The following CLSTN2 variants were observed in gnomAD, a reference collection of about 807,000 sequenced individuals.
CLSTN2 encodes calsyntenin-2.
Under a neutral mutation model 101.2 loss-of-function variants are expected in CLSTN2, and 48 were observed. The observed-to-expected ratio is 0.47, with a 90% CI of 0.38 to 0.60. CLSTN2 has a LOEUF of 0.60. Among genes scored for constraint, CLSTN2 ranks in the 20% least tolerant of loss-of-function variants. CLSTN2 has a pLI of 0.00. For missense variants in CLSTN2, 1,160 were observed against 1,238.2 expected, an observed-to-expected ratio of 0.94 and a Z score of 0.95; for synonymous variants, 481 against 463.6, an observed-to-expected ratio of 1.04 and a Z score of -0.48.
chr3:140,531,451 C>A (rs1011946994), intron 8 of CLSTN2, among the ~76,000 whole-genome samples: 3 of 152,118 alleles, frequency 2.0e-5, no homozygotes, highest in Non-Finnish European at 4.4e-5. Context: ...GATGCCCTCA[C>A]CTTGGGGTCA....
At chr3:140,295,301 T>C (rs1413699788) in intron 2 of CLSTN2, among the ~76,000 whole-genome samples, 1 of 152,216 alleles carries the variant, frequency 6.6e-6, no homozygotes, top group Admixed American at 6.5e-5. Context: ...CTTTTCCTTA[T>C]GGCTTTGAAA....
At chr3:140,475,220 G>C (rs1185531798) in intron 8 of CLSTN2, among the ~76,000 whole-genome samples, 1 of 152,182 alleles carries the variant, frequency 6.6e-6, no homozygotes, top group Non-Finnish European at 1.5e-5. Flanking sequence ...GAGTCACCAA[G>C]AGACCACAGT....
chr3:140,339,453 A>G (rs2087471483), intron 2 of CLSTN2, among the ~76,000 whole-genome samples: 1 of 152,186 alleles, frequency 6.6e-6, no homozygotes, highest in Non-Finnish European at 1.5e-5. Context: ...TAGAATCTCA[A>G]AGCTAGAAGG....
intron 1 of CLSTN2, among the ~76,000 whole-genome samples, chr3:140,150,944 C>T (rs2009854953): frequency 6.6e-6 from 1 of 151,924 alleles, no homozygotes; most frequent in Non-Finnish European, 1.5e-5. Flanking sequence ...CAAAATTGAT[C>T]TAATTTTATA....
intron 2 of CLSTN2, among the ~76,000 whole-genome samples, chr3:140,381,178 A>ACATGGC (rs1337350093): frequency 6.6e-6 from 1 of 152,190 alleles, no homozygotes; most frequent in Non-Finnish European, 1.5e-5. Context: ...CACTCCAGCC[A>ACATGGC]CATGGCCATT....
chr3:140,488,868 T>C (rs959207096), intron 8 of CLSTN2, among the ~76,000 whole-genome samples: 17 of 151,992 alleles, frequency 1.1e-4, no homozygotes, highest in Non-Finnish European at 2.9e-5. Flanking sequence ...TAAGCCTAGA[T>C]CTGATTGGCT....
chr3:140,072,685 C>T (rs1289749973), intron 1 of CLSTN2, among the ~76,000 whole-genome samples: 2 of 152,168 alleles, frequency 1.3e-5, no homozygotes. Context: ...CATGATTAAT[C>T]AAAATCTCCA....
rs1935003317 is a variant in CLSTN2 at position 139,935,478 on chromosome 3, C to G, written c.104C>G (p.Ala35Gly). The change falls in exon 1 of 17, where the codon GCT (alanine) becomes GGT (glycine). Residue 35 changes from alanine to glycine, a missense_variant. Transcript: ENST00000458420. This position sits in a 1 kb window ranked among gnomAD's most constrained non-coding sequence, Gnocchi z 5.5. ...GDSRQRRLLA[A>G]KVNKHKPWIE... is the part of the protein sequence containing the mutation. ...AGCCGGCAGCGCCGCCTCCTCGCGG[C>G]TAAAGGTGGGTGCTGGGGAAGTTTG... is the stretch of plus-strand genomic sequence containing the variant. The G allele has an allele frequency of 5.7e-6, 7 of 1,228,518 alleles. No homozygotes were observed. Among genetic ancestry groups the G allele is most frequent in the Non-Finnish European group, 7.1e-6 (7 of 984,060 alleles). The allele number at this position is 1,228,518 out of a possible 1,614,324, so 76.1% of individuals were successfully genotyped here.
At chr3:140,254,546 CTCATCTCTG>C (rs1434502117) in intron 2 of CLSTN2, among the ~76,000 whole-genome samples, 15 of 152,070 alleles carry the variant, frequency 9.9e-5, no homozygotes, top group Admixed American at 9.8e-4. Flanking sequence ...CTATGTGGTC[CTCATCTCTG>C]TCATCTCTGT....
chr3:140,353,071 T>C (rs58135566), intron 2 of CLSTN2, among the ~76,000 whole-genome samples: 6,456 of 152,192 alleles, frequency 0.042, 156 homozygotes, highest in South Asian at 0.081. Context: ...TTAAAACTTA[T>C]TATAAGTAAT....
intron 2 of CLSTN2, among the ~76,000 whole-genome samples, chr3:140,351,032 G>C (rs1032365509): frequency 2.0e-5 from 3 of 152,164 alleles, no homozygotes; most frequent in Non-Finnish European, 4.4e-5. Flanking sequence ...TACTCAGGAT[G>C]CTTCAGGTGC....
chr3:140,552,843 C>G (rs2107789582), intron 10 of CLSTN2, among the ~76,000 whole-genome samples: 1 of 152,304 alleles, frequency 6.6e-6, no homozygotes, highest in Non-Finnish European at 1.5e-5. Context: ...GCACAAGACT[C>G]TGCTATAGGA....
At chr3:140,241,860 T>C (rs1179552379) in intron 2 of CLSTN2, among the ~76,000 whole-genome samples, 1 of 132,284 alleles carries the variant, frequency 7.6e-6, no homozygotes, top group African/African-American at 3.3e-5. Flanking sequence ...TATATACACA[T>C]ATATATACAC....
chr3:140,575,061 T>G lies in CLSTN2; in HGVS notation c.*8808T>G, dbSNP rs1173005368. 1 of 152,242 alleles carries G rather than the reference T, an allele frequency of 6.6e-6. No homozygotes were observed. Among genetic ancestry groups the G allele is most frequent in the South Asian group, 2.1e-4 (1 of 4,834 alleles). 9.4% of individuals were successfully genotyped at this position (152,242 alleles called of 1,614,324 possible). ...CCCACCCACCTCCAGCTCCTCTACATGGCTGCAAGAGCATGGCTGATGTGT... is the reference window on the plus strand; with the variant it reads ...CCCACCCACCTCCAGCTCCTCTACAGGGCTGCAAGAGCATGGCTGATGTGT... On this transcript the variant is annotated 3_prime_UTR_variant, in exon 17 of 17. Coordinates refer to ENST00000458420, the MANE Select transcript of CLSTN2 (RefSeq NM_022131.3).
intron 1 of CLSTN2, among the ~76,000 whole-genome samples, chr3:140,096,538 A>G (rs1429398900): frequency 6.6e-6 from 1 of 152,090 alleles, no homozygotes; most frequent in African/African-American, 2.4e-5. Flanking sequence ...TTGTTTAATG[A>G]TTTGTCCCCA....
intron 9 of CLSTN2, among the ~76,000 whole-genome samples, chr3:140,541,212 A>T (rs1935469279): frequency 6.6e-6 from 1 of 152,220 alleles, no homozygotes; most frequent in African/African-American, 2.4e-5. Context: ...ACTTCTGGTT[A>T]TGTGGCTTTG....
At chr3:140,407,007 G>A (rs998622257) in intron 4 of CLSTN2, among the ~76,000 whole-genome samples, 2 of 152,230 alleles carry the variant, frequency 1.3e-5, no homozygotes, top group Non-Finnish European at 2.9e-5. Context: ...CCAGGCCTCT[G>A]CCTCTAATGC....
At chr3:139,969,315 C>CTGGGTGGG in intron 1 of CLSTN2, among the ~76,000 whole-genome samples, 1 of 152,334 alleles carries the variant, frequency 6.6e-6, no homozygotes, top group East Asian at 1.9e-4. Flanking sequence ...GTGTCACTGC[C>CTGGGTGGG]TACCCTGGGT....
intron 1 of CLSTN2, among the ~76,000 whole-genome samples, chr3:140,008,269 C>A (rs946785946): frequency 1.3e-5 from 2 of 152,240 alleles, no homozygotes; most frequent in African/African-American, 4.8e-5. Context: ...TTGCCCTAGG[C>A]CATTGCATGG....
Sources: gnomAD v4.1 joint callset for allele counts (sites outside exome capture counted in the v4.1 genomes callset) on GRCh38, gnomAD v4.1.1 for gene constraint, Gnocchi (gnomAD v3.1) non-coding constraint, MANE v1.5 for transcripts, NCBI Gene and HGNC (gene_info 2026-07-23, HGNC 2026-07-21) for gene names.